The following ACTR3C variants were observed in gnomAD, a reference collection of about 807,000 sequenced individuals.
The protein encoded by ACTR3C is actin related protein 3C, also known as actin-related protein 3C.
In ACTR3C, 18 loss-of-function variants were observed where a neutral mutation model predicts 26.3. The observed-to-expected ratio is 0.68, with a 90% CI of 0.47 to 1.01. The LOEUF (loss-of-function observed/expected upper bound fraction) is 1.01. Ranked by LOEUF, ACTR3C falls within the 50% of genes least tolerant of loss-of-function variation. The pLI is 0.00. For missense variants in ACTR3C, 184 were observed against 250.7 expected, an observed-to-expected ratio of 0.73 and a Z score of 1.80; for synonymous variants, 55 against 94.5, an observed-to-expected ratio of 0.58 and a Z score of 2.42.
chr7:150,211,194 A>G, the ACTR3C span, among the ~76,000 whole-genome samples: 4 of 149,152 alleles, frequency 2.7e-5, no homozygotes, highest in African/African-American at 1.0e-4. Flanking sequence ...TAGGTTCTCC[A>G]TTAAGTATGT....
chr7:150,211,750 C>T, the ACTR3C span, among the ~76,000 whole-genome samples: 14,371 of 149,310 alleles, frequency 0.096, 1,755 homozygotes, highest in African/African-American at 0.29. Context: ...ATCGAGTCTA[C>T]TGATTCCCTG....
At chr7:150,165,950 T>C in the ACTR3C span, among the ~76,000 whole-genome samples, 1 of 151,810 alleles carries the variant, frequency 6.6e-6, no homozygotes. Flanking sequence ...ACTTCCTTGA[T>C]TCCTTCTCAT....
chr7:150,163,782 AG>A, the ACTR3C span, among the ~76,000 whole-genome samples: 1 of 152,068 alleles, frequency 6.6e-6, no homozygotes, highest in South Asian at 2.1e-4. Flanking sequence ...AGGGGCAGAA[AG>A]GGGTGAATTC....
the ACTR3C span, among the ~76,000 whole-genome samples, chr7:149,947,244 C>A: frequency 1.4e-5 from 2 of 145,902 alleles, no homozygotes; most frequent in Non-Finnish European, 3.0e-5. Context: ...TTCATCCATC[C>A]ATTTCCTTCC....
At chr7:150,223,222 T>C in the ACTR3C span, among the ~76,000 whole-genome samples, 2 of 152,186 alleles carry the variant, frequency 1.3e-5, no homozygotes, top group Admixed American at 1.3e-4. Context: ...GTTTATGAGG[T>C]CCATCATGTT....
Position 150,323,530 on chromosome 7 carries a change from G to C in ACTR3C, c.-113C>G, listed in dbSNP as rs751063014. On this transcript the variant is annotated 5_prime_UTR_variant, in exon 1 of 8. Coordinates refer to ENST00000683684, the MANE Select transcript of ACTR3C (RefSeq NM_001164458.2). ...CGCCGGACTTCCCAGCTTGGCCAGT[G>C]GCTCCGCAGGCTGCCGGCTCCACCC... 27 of 437,294 alleles carry C rather than the reference G, an allele frequency of 6.2e-5. No individual in the cohort carries two copies. Among genetic ancestry groups the C allele is most frequent in the Non-Finnish European group, 1.1e-4 (25 of 219,672 alleles). 27.1% of individuals were successfully genotyped at this position (437,294 alleles called of 1,614,324 possible). A position where few individuals can be genotyped will look rare whatever the true frequency, so the allele number is the denominator to read the frequency against.
chr7:150,065,654 G>C, the ACTR3C span, among the ~76,000 whole-genome samples: 3 of 151,748 alleles, frequency 2.0e-5, no homozygotes, highest in Non-Finnish European at 2.9e-5. Context: ...CGGATGGGGA[G>C]AATGCTCTAT....
At chr7:149,991,340 C>A in the ACTR3C span, among the ~76,000 whole-genome samples, 1 of 152,222 alleles carries the variant, frequency 6.6e-6, no homozygotes, top group Non-Finnish European at 1.5e-5. Flanking sequence ...AACCATATCA[C>A]CTGACTACTG....
At chr7:150,146,512 A>G in the ACTR3C span, among the ~76,000 whole-genome samples, 1 of 152,184 alleles carries the variant, frequency 6.6e-6, no homozygotes. Context: ...TTTTTAATCC[A>G]TTTTGGAAGA....
chr7:150,110,582 TGAGGGTGGGGCTGGAA>T, the ACTR3C span, among the ~76,000 whole-genome samples: 1 of 93,068 alleles, frequency 1.1e-5, no homozygotes, highest in African/African-American at 5.4e-5. Context: ...TGGGGCTGCC[TGAGGGTGGGGCTGGAA>T]GAGGGTGGGG....
chr7:150,055,957 C>T, the ACTR3C span, among the ~76,000 whole-genome samples: 1 of 152,148 alleles, frequency 6.6e-6, no homozygotes, highest in Admixed American at 6.5e-5. Context: ...CTTTTATGAA[C>T]TTAATTCTCC....
At chr7:150,185,893 T>G in the ACTR3C span, among the ~76,000 whole-genome samples, 1 of 152,178 alleles carries the variant, frequency 6.6e-6, no homozygotes, top group South Asian at 2.1e-4. Flanking sequence ...AAGAATATCT[T>G]CTATTGCTAA....
At chr7:150,307,363 C>G (rs932714665) in intron 1 of ACTR3C, among the ~76,000 whole-genome samples, 3 of 152,196 alleles carry the variant, frequency 2.0e-5, no homozygotes, top group Non-Finnish European at 1.5e-5. Flanking sequence ...AGTAAAACAG[C>G]CAGTTCCTGC....
the ACTR3C span, among the ~76,000 whole-genome samples, chr7:150,205,317 A>T: frequency 2.0e-5 from 3 of 152,248 alleles, no homozygotes; most frequent in Admixed American, 6.5e-5. Context: ...TTTGCACATT[A>T]CACATCATTT....
At chr7:150,059,544 G>T in the ACTR3C span, among the ~76,000 whole-genome samples, 3 of 152,184 alleles carry the variant, frequency 2.0e-5, no homozygotes, top group Non-Finnish European at 4.4e-5. Flanking sequence ...TTCTATCCAG[G>T]ATTGGTAAAG....
the ACTR3C span, among the ~76,000 whole-genome samples, chr7:150,149,097 A>G: frequency 0.047 from 4,117 of 86,752 alleles, 315 homozygotes; most frequent in African/African-American, 0.16. Flanking sequence ...ATATATATAT[A>G]TATATATATA....
intron 1 of ACTR3C, among the ~76,000 whole-genome samples, chr7:150,297,145 T>C (rs1263113021): frequency 2.0e-5 from 3 of 146,902 alleles, no homozygotes; most frequent in Admixed American, 6.6e-5. Context: ...CTAGGACACA[T>C]AGGGCCACAC....
In ACTR3C at chr7:150,264,560, G is replaced by C. The variant is rs567354202; in HGVS notation, c.565-15506C>G. ...CTAACTGAGGGGTGCTCTGAGTCCA[G>C]GTTATAATGTATATTACCCAGCATA... On this transcript the variant is annotated intron_variant, in intron 6 of 7. Transcript: ENST00000683684. The C allele has an allele frequency of 7.4e-5, 72 of 973,828 alleles. 3 individuals are homozygous for C. The African/African-American group carries it at 1.3e-3, about 17-fold the overall frequency. The allele number at this position is 973,828 out of a possible 1,614,324, so 60.3% of individuals were successfully genotyped here.
the ACTR3C span, among the ~76,000 whole-genome samples, chr7:150,161,469 G>T: frequency 3.1e-3 from 470 of 151,748 alleles, 3 homozygotes; most frequent in African/African-American, 9.2e-3. Context: ...GCAGTGTTTG[G>T]TTTTTTGTCC....
Sources: allele counts gnomAD v4.1 joint callset (sites outside exome capture counted in the v4.1 genomes callset), GRCh38; gene constraint gnomAD v4.1.1; transcripts MANE v1.5; gene names NCBI Gene and HGNC (gene_info 2026-07-23, HGNC 2026-07-21).